TMPRSS15: variants seen among roughly 807,000 people sequenced by gnomAD.
The protein encoded by TMPRSS15 is enteropeptidase.
A neutral mutation model predicts 125.3 loss-of-function variants in TMPRSS15; 128 were observed. The observed-to-expected ratio is 1.02, with a 90% confidence interval of 0.89 to 1.18. The LOEUF (loss-of-function observed/expected upper bound fraction) is 1.18. Among genes scored for constraint, TMPRSS15 ranks in the 50% most tolerant of loss-of-function variants. TMPRSS15 has a pLI of 0.00. For synonymous variants in TMPRSS15, 446 were observed against 423.2 expected (o/e 1.05, Z -0.66); for missense variants, 1,283 against 1,212.7 (o/e 1.06, Z -0.86).
chr21:18,383,496 A>T, intron 4 of TMPRSS15, 131 bp downstream of exon 4: 1 of 1,056,674 alleles, frequency 9.5e-7, no homozygotes, highest in Non-Finnish European at 1.4e-6. Flanking sequence ...TTTCTCATGT[A>T]AATGTGTCAC....
rs527482553 is a variant in TMPRSS15 at position 18,300,410 on chromosome 21, C to T, written c.2166-2581G>A. The stretch of plus-strand genomic sequence containing the variant: ...AGGCTGGAGTGCAGTGGCTCAATCT[C>T]GACTCACTGCAACCTCTGCCTCCCA... On this transcript the variant is annotated intron_variant, in intron 18 of 24. Transcript: ENST00000284885. Among the ~76,000 whole-genome samples, 172 of 150,166 alleles carry T rather than the reference C, an allele frequency of 1.1e-3. 1 individual carries two copies. The highest frequency in any genetic ancestry group is 4.1e-3 in the African/African-American group (166 of 40,814).
chr21:18,365,662 C>CCTTCCTTCCTTCCTTCCTTT (rs2075726787), intron 6 of TMPRSS15, among the ~76,000 whole-genome samples: 1 of 122,946 alleles, frequency 8.1e-6, no homozygotes, highest in Admixed American at 8.4e-5. Context: ...TTCCTTCCTT[C>CCTTCCTTCCTTCCTTCCTTT]CTTCCTTCCT....
At chr21:18,481,049 A>C (rs1978971343) in intron 1 of TMPRSS15, among the ~76,000 whole-genome samples, 1 of 151,900 alleles carries the variant, frequency 6.6e-6, no homozygotes, top group Admixed American at 6.6e-5. Flanking sequence ...AACCAGAGGC[A>C]GAGTAATGCC....
chr21:18,470,047 G>A (rs917255383), intron 1 of TMPRSS15, among the ~76,000 whole-genome samples: 4 of 152,022 alleles, frequency 2.6e-5, no homozygotes, highest in Non-Finnish European at 4.4e-5. Context: ...AGGAAAGATA[G>A]CCTAGTTTTT....
chr21:18,333,530 T>TGATTTTCC (rs1460061991), intron 13 of TMPRSS15, among the ~76,000 whole-genome samples: 1 of 152,160 alleles, frequency 6.6e-6, no homozygotes, highest in Non-Finnish European at 1.5e-5. Context: ...CTGCAATTCT[T>TGATTTTCC]GATTTTCCTT....
chr21:18,334,910 G>C (rs1289999609), intron 13 of TMPRSS15, among the ~76,000 whole-genome samples: 1 of 152,182 alleles, frequency 6.6e-6, no homozygotes, highest in African/African-American at 2.4e-5. Context: ...TGAAAGCACT[G>C]ACAAGTAAGG....
At chr21:18,479,369 G>A (rs1036892302) in intron 1 of TMPRSS15, among the ~76,000 whole-genome samples, 1 of 151,874 alleles carries the variant, frequency 6.6e-6, no homozygotes, top group Non-Finnish European at 1.5e-5. Flanking sequence ...TAATAATCAA[G>A]CCAAACTTTT....
At chr21:18,396,180 T>C (rs1485529086) in intron 3 of TMPRSS15, among the ~76,000 whole-genome samples, 1 of 152,206 alleles carries the variant, frequency 6.6e-6, no homozygotes, top group Non-Finnish European at 1.5e-5. Context: ...CCTTCTTATT[T>C]CTGTAGAAAA....
intron 12 of TMPRSS15, among the ~76,000 whole-genome samples, chr21:18,341,927 C>T (rs1255547434): frequency 6.6e-6 from 1 of 152,186 alleles, no homozygotes; most frequent in East Asian, 1.9e-4. Flanking sequence ...TTTCTTCTTT[C>T]AGCAATATTA....
At chr21:18,396,821 T>A (rs965320063) in intron 3 of TMPRSS15, among the ~76,000 whole-genome samples, 2 of 145,140 alleles carry the variant, frequency 1.4e-5, no homozygotes, top group Non-Finnish European at 3.0e-5. Context: ...TATCTATCTA[T>A]CTATCTATCT....
intron 1 of TMPRSS15, among the ~76,000 whole-genome samples, chr21:18,447,323 T>C (rs1219494934): frequency 1.3e-5 from 2 of 149,994 alleles, no homozygotes; most frequent in Non-Finnish European, 3.0e-5. Flanking sequence ...GCCTATAACC[T>C]CAGCTACTTG....
chr21:18,361,868 G>A (rs2824771), intron 7 of TMPRSS15, among the ~76,000 whole-genome samples: 83,260 of 151,608 alleles, frequency 0.55, 23,214 homozygotes, highest in East Asian at 0.86. Flanking sequence ...TAAAGTTAGA[G>A]TGGTGGTAGG....
At chr21:18,318,142 G>A (rs1323050889) in intron 16 of TMPRSS15, among the ~76,000 whole-genome samples, 2 of 152,194 alleles carry the variant, frequency 1.3e-5, no homozygotes, top group African/African-American at 4.8e-5. Flanking sequence ...AGTTGGCAAG[G>A]TGGACACTGG....
intron 7 of TMPRSS15, among the ~76,000 whole-genome samples, chr21:18,363,874 C>A (rs909864729): frequency 2.6e-5 from 4 of 152,070 alleles, no homozygotes; most frequent in Admixed American, 6.6e-5. Context: ...ATTTTTGACA[C>A]ACCAATAGCA....
At chr21:18,385,988 C>T (rs769237845) in intron 3 of TMPRSS15, among the ~76,000 whole-genome samples, 1 of 152,130 alleles carries the variant, frequency 6.6e-6, no homozygotes, top group Non-Finnish European at 1.5e-5. Context: ...CATGATCCTC[C>T]TGCCTTGGCC....
chr21:18,326,383 T>C (rs756179618), intron 16 of TMPRSS15, 49 bp downstream of exon 16: 10 of 1,613,070 alleles, frequency 6.2e-6, no homozygotes, highest in Non-Finnish European at 8.5e-6. Context: ...ACACCTTTGC[T>C]GTTTTGCTCC....
intron 21 of TMPRSS15, among the ~76,000 whole-genome samples, chr21:18,291,380 G>A (rs549674747): frequency 2.0e-5 from 3 of 152,168 alleles, no homozygotes; most frequent in Non-Finnish European, 2.9e-5. Flanking sequence ...AACCGAACAG[G>A]CACAGGGTTA....
intron 1 of TMPRSS15, among the ~76,000 whole-genome samples, chr21:18,399,790 A>C (rs2076077963): frequency 6.6e-6 from 1 of 152,148 alleles, no homozygotes; most frequent in Non-Finnish European, 1.5e-5. Context: ...AAGTCAAAAA[A>C]AGTATAAAAA....
upstream of TMPRSS15, among the ~76,000 whole-genome samples, chr21:18,407,606 C>T (rs1309861043): frequency 6.6e-6 from 1 of 151,800 alleles, no homozygotes; most frequent in South Asian, 2.1e-4. Flanking sequence ...GCCATCATGC[C>T]CAGATAATTT....
Sources: gnomAD v4.1 joint callset for allele counts (sites outside exome capture counted in the v4.1 genomes callset) on GRCh38, gnomAD v4.1.1 for gene constraint, MANE v1.5 for transcripts, NCBI Gene and HGNC (gene_info 2026-07-23, HGNC 2026-07-21) for gene names.